PLEKHA2: variants seen among roughly 807,000 people sequenced by gnomAD.
PLEKHA2 encodes pleckstrin homology domain containing A2, also known as pleckstrin homology domain-containing family A member 2.
PLEKHA2 carries 28 observed loss-of-function variants against 53.2 expected under a neutral mutation model. That is an observed-to-expected ratio of 0.53 (90% CI 0.39 to 0.72). The LOEUF is 0.72. Ranked by LOEUF, PLEKHA2 falls within the 30% of genes least tolerant of loss-of-function variation. PLEKHA2 has a pLI of 0.00. For synonymous variants in PLEKHA2, 193 were observed against 196.4 expected (o/e 0.98, Z 0.14); for missense variants, 426 against 537.9 (o/e 0.79, Z 2.06).
intron 10 of PLEKHA2, among the ~76,000 whole-genome samples, chr8:38,961,775 A>T (rs1157960572): frequency 6.6e-6 from 1 of 152,148 alleles, no homozygotes; most frequent in Non-Finnish European, 1.5e-5. Flanking sequence ...GACTCCCTAG[A>T]CAGAAGAGAA....
chr8:38,916,989 A>G (rs1368458318), intron 1 of PLEKHA2, among the ~76,000 whole-genome samples: 1 of 152,076 alleles, frequency 6.6e-6, no homozygotes, highest in East Asian at 1.9e-4. Flanking sequence ...ATGATATCTC[A>G]TTGTAGTTTT....
rs1342878016 is a variant in PLEKHA2 at position 38,972,098 on chromosome 8, G to A, written c.*2315G>A. ...TGGTATTATCCTGATAAAGGGAAAC[G>A]AGGACACTAAGACTGTCAAATGGAA... On this transcript the variant is annotated 3_prime_UTR_variant, in exon 12 of 12. Coordinates refer to ENST00000617275, the MANE Select transcript of PLEKHA2 (RefSeq NM_021623.2). 6.6e-6 allele frequency: 1 copy of A among 152,158 alleles called. No homozygotes were observed. The highest frequency in any genetic ancestry group is 1.5e-5 in the Non-Finnish European group (1 of 68,024). The allele number at this position is 152,158 out of a possible 1,614,324, so 9.4% of individuals were successfully genotyped here. A position where few individuals can be genotyped will look rare whatever the true frequency, so the allele number is the denominator to read the frequency against.
chr8:38,966,916 C>G (rs1835147853), intron 10 of PLEKHA2, among the ~76,000 whole-genome samples: 32 of 151,998 alleles, frequency 2.1e-4, no homozygotes, highest in Admixed American at 2.1e-3. Flanking sequence ...TCGTACGCAT[C>G]AAGTAATTTC....
intron 10 of PLEKHA2, among the ~76,000 whole-genome samples, chr8:38,957,657 A>G (rs1402141597): frequency 6.6e-6 from 1 of 152,214 alleles, no homozygotes; most frequent in Non-Finnish European, 1.5e-5. Context: ...GCTCCAGCTA[A>G]GCAGAGAAAA....
chr8:38,958,877 C>G (rs1834991647), intron 10 of PLEKHA2, among the ~76,000 whole-genome samples: 1 of 152,100 alleles, frequency 6.6e-6, no homozygotes, highest in Admixed American at 6.5e-5. Flanking sequence ...AGTCCATAGG[C>G]AGTTAAACTG....
At chr8:38,943,965 G>A (rs2129420815) in intron 4 of PLEKHA2, 128 bp downstream of exon 4, 3 of 624,496 alleles carry the variant, frequency 4.8e-6, no homozygotes, top group East Asian at 3.4e-5. Flanking sequence ...TCACAGTGAC[G>A]GTCCTGGACG....
intron 2 of PLEKHA2, among the ~76,000 whole-genome samples, chr8:38,918,578 C>T (rs370964028): frequency 0.039 from 140 of 3,612 alleles, no homozygotes; most frequent in African/African-American, 0.055. Flanking sequence ...CACACATGCA[C>T]ACACATGCAC....
intron 1 of PLEKHA2, among the ~76,000 whole-genome samples, chr8:38,903,804 G>A (rs1833829428): frequency 6.6e-6 from 1 of 152,204 alleles, no homozygotes; most frequent in Non-Finnish European, 1.5e-5. Flanking sequence ...GGAAACTGCT[G>A]TGGCTCGACT....
intron 1 of PLEKHA2, among the ~76,000 whole-genome samples, chr8:38,911,081 T>C (rs1442488841): frequency 6.6e-6 from 1 of 152,164 alleles, no homozygotes; most frequent in Non-Finnish European, 1.5e-5. Flanking sequence ...GTGGGTTGGA[T>C]AGAGGCCCCT....
Position 38,935,167 on chromosome 8 carries a change from C to T in PLEKHA2, c.142-827C>T, listed in dbSNP as rs547321429. Among the ~76,000 whole-genome samples, 13 of 152,240 alleles carry T rather than the reference C, an allele frequency of 8.5e-5. No homozygotes were observed. The South Asian group carries it at 2.7e-3, about 32-fold the overall frequency. ...TAGGTGGGACTACAAGTGTGAGCCA[C>T]CAAGCCCGGCTCTATATTTTTAGCA... On this transcript the variant is annotated intron_variant, in intron 2 of 11. Coordinates refer to ENST00000617275, the MANE Select transcript of PLEKHA2 (RefSeq NM_021623.2).
chr8:38,938,837 G>T (rs1030155913), intron 3 of PLEKHA2, among the ~76,000 whole-genome samples: 1 of 152,122 alleles, frequency 6.6e-6, no homozygotes, highest in Non-Finnish European at 1.5e-5. Context: ...GCCTCTTCAT[G>T]AGAGGAGGTG....
chr8:38,936,369 C>T (rs1206985870), intron 3 of PLEKHA2, among the ~76,000 whole-genome samples: 1 of 152,158 alleles, frequency 6.6e-6, no homozygotes, highest in Non-Finnish European at 1.5e-5. Context: ...GATCCATGAC[C>T]TTTTTTTGTA....
chr8:38,962,529 G>GT (rs1217183695), intron 10 of PLEKHA2, among the ~76,000 whole-genome samples: 1 of 152,150 alleles, frequency 6.6e-6, no homozygotes, highest in Non-Finnish European at 1.5e-5. Flanking sequence ...ATCTAAGCAG[G>GT]TAGAAAGGCC....
At chr8:38,936,080 AT>A in intron 3 of PLEKHA2, 30 bp downstream of exon 3, 2 of 1,606,012 alleles carry the variant, frequency 1.2e-6, no homozygotes, top group Non-Finnish European at 1.7e-6. Flanking sequence ...CTGGGAATTC[AT>A]GCTCTGTAAG....
chr8:38,947,695 C>T (rs1035740322), intron 5 of PLEKHA2, among the ~76,000 whole-genome samples: 26 of 152,094 alleles, frequency 1.7e-4, no homozygotes, highest in Admixed American at 1.2e-3. Context: ...TGCATGACAC[C>T]GGAGCATAAG....
intron 2 of PLEKHA2, among the ~76,000 whole-genome samples, chr8:38,918,436 C>G (rs1588239259): frequency 7.8e-6 from 1 of 127,808 alleles, no homozygotes; most frequent in East Asian, 2.5e-4. Context: ...ACACACCATA[C>G]ACACACACAA....
intron 11 of PLEKHA2, 139 bp downstream of exon 11, chr8:38,968,808 C>T (rs1273503340): frequency 4.0e-6 from 3 of 746,634 alleles, no homozygotes; most frequent in African/African-American, 3.6e-5. Context: ...GCTTGTTTTT[C>T]TCATTCTACT....
chr8:38,940,536 G>A (rs534207314), intron 3 of PLEKHA2, among the ~76,000 whole-genome samples: 3 of 151,994 alleles, frequency 2.0e-5, no homozygotes, highest in South Asian at 2.1e-4. Flanking sequence ...TTATGGACCA[G>A]AGGACTGCAG....
At chr8:38,962,979 G>A (rs1384872001) in intron 10 of PLEKHA2, among the ~76,000 whole-genome samples, 1 of 152,238 alleles carries the variant, frequency 6.6e-6, no homozygotes, top group African/African-American at 2.4e-5. Flanking sequence ...GAGGGTTGCA[G>A]AGGTGGAGAA....
Sources: allele counts gnomAD v4.1 joint callset (sites outside exome capture counted in the v4.1 genomes callset), GRCh38; gene constraint gnomAD v4.1.1; transcripts MANE v1.5; gene names NCBI Gene and HGNC (gene_info 2026-07-23, HGNC 2026-07-21).